B4GALNT4: variants seen among roughly 807,000 people sequenced by gnomAD.
B4GALNT4 encodes beta-1,4-N-acetyl-galactosaminyltransferase 4.
B4GALNT4 carries 77 observed loss-of-function variants against 110.0 expected under a neutral mutation model. The ratio of observed to expected loss-of-function variants is 0.70; its 90% CI spans 0.58 to 0.85. B4GALNT4 has a LOEUF of 0.85. Among genes scored for constraint, B4GALNT4 ranks in the 40% least tolerant of loss-of-function variants. The pLI, the probability that B4GALNT4 is intolerant of heterozygous loss-of-function variation, is 0.00. For missense variants in B4GALNT4, 1,575 were observed against 1,506.0 expected (o/e 1.05, Z -0.76); for synonymous variants, 785 against 655.5 (o/e 1.20, Z -3.02).
intron 14 of B4GALNT4, among the ~76,000 whole-genome samples, chr11:378,083 C>G (rs1440763150): frequency 3.3e-5 from 5 of 152,060 alleles, no homozygotes; most frequent in Non-Finnish European, 7.4e-5. Context: ...GCGAGCAGAG[C>G]AAAGCCAGGG....
intron 8 of B4GALNT4, 146 bp downstream of exon 8, chr11:373,974 C>A: frequency 1.3e-6 from 1 of 754,974 alleles, no homozygotes; most frequent in Non-Finnish European, 2.1e-6. Context: ...CTGCTCTGCC[C>A]TCCTGGGGGG....
At chr11:370,003 G>T (rs555594574) in intron 1 of B4GALNT4, 49 bp downstream of exon 1, 1 of 140,764 alleles carries the variant, frequency 7.1e-6, no homozygotes, top group Non-Finnish European at 1.2e-5. Context: ...GCGGCGCGGG[G>T]GGCGCGGGGG....
At chr11:373,358 C>G in intron 6 of B4GALNT4, 67 bp downstream of exon 6, 2 of 1,576,334 alleles carry the variant, frequency 1.3e-6, no homozygotes, top group Non-Finnish European at 1.7e-6. Context: ...GCCCACCAGC[C>G]TCTTGGGAAT....
intron 3 of B4GALNT4, 30 bp downstream of exon 3, chr11:372,784 G>A (rs55794317): frequency 0.044 from 68,965 of 1,556,256 alleles, 1,802 homozygotes; most frequent in Middle Eastern, 0.05. Context: ...AATGGGCTGG[G>A]AGGCAGGGCG....
Position 379,706 on chromosome 11 carries a change from G to T in B4GALNT4, c.2488+5G>T, listed in dbSNP as rs780193099. 2.7e-5 allele frequency: 41 copies of T among 1,500,510 alleles called. No individual in the cohort carries two copies. Among genetic ancestry groups the T allele is most frequent in the African/African-American group, 4.2e-5 (3 of 70,806 alleles). 92.9% of individuals were successfully genotyped at this position (1,500,510 alleles called of 1,614,324 possible). Reference sequence around the variant, plus strand: ...TGGTTCACTTCATCGTGCCAGGTTCGCAGGGCGGGCTCGGGGTGTCCGGGA... The same window carrying T: ...TGGTTCACTTCATCGTGCCAGGTTCTCAGGGCGGGCTCGGGGTGTCCGGGA... On this transcript the variant is annotated splice_donor_5th_base_variant and intron_variant, in intron 15 of 19. Transcript: ENST00000329962.
At chr11:370,664 A>G (rs567358861) in intron 1 of B4GALNT4, among the ~76,000 whole-genome samples, 115 of 152,226 alleles carry the variant, frequency 7.6e-4, no homozygotes, top group African/African-American at 2.6e-3. Flanking sequence ...GGCGCAGATG[A>G]AAGCCTGGCG....
chr11:369,979 CGCG>C (rs1473022512), intron 1 of B4GALNT4, 25 bp downstream of exon 1: 43 of 198,270 alleles, frequency 2.2e-4, no homozygotes, highest in East Asian at 1.7e-3. Context: ...GCGCGGGGGG[CGCG>C]GGGGGCGGGG....
At position 381,940 on chromosome 11, in the gene B4GALNT4, C is replaced by A; in HGVS notation, c.*148C>A. ...TGCCCCTCTCTGGCCCACTGGGCGT[C>A]GTGCCCCTCCCCGGAGAGGCAGCCT... On this transcript the variant is annotated 3_prime_UTR_variant, in exon 20 of 20. Coordinates refer to ENST00000329962, the MANE Select transcript of B4GALNT4 (RefSeq NM_178537.5). 1.0e-6 allele frequency: 1 copy of A among 975,828 alleles called. No homozygotes were observed. The highest frequency in any genetic ancestry group is 1.4e-6 in the Non-Finnish European group (1 of 719,892). 60.4% of individuals were successfully genotyped at this position (975,828 alleles called of 1,614,324 possible).
intron 18 of B4GALNT4, 68 bp from the exon 19 acceptor site, chr11:380,757 G>A (rs1170342704): frequency 2.0e-5 from 32 of 1,592,392 alleles, no homozygotes; most frequent in Middle Eastern, 1.7e-4. Flanking sequence ...GTCTCCTAGC[G>A]GCGCTTTGCC....
chr11:372,246 G>A (rs374249435), intron 2 of B4GALNT4, 34 bp downstream of exon 2: 68 of 1,536,764 alleles, frequency 4.4e-5, no homozygotes, highest in African/African-American at 6.9e-5. Context: ...ACGTGTGCAC[G>A]GAGACGAGAC....
At chr11:372,017 A>G (rs1009436507) in intron 1 of B4GALNT4, 92 bp from the exon 2 acceptor site, 1 of 1,018,766 alleles carries the variant, frequency 9.8e-7, no homozygotes, top group Non-Finnish European at 1.5e-6. Flanking sequence ...TGCTCTGGCC[A>G]TGTGGGTCCC....
chr11:379,764 T>C (rs895613140), intron 15 of B4GALNT4, 63 bp downstream of exon 15: 8 of 1,503,856 alleles, frequency 5.3e-6, no homozygotes, highest in South Asian at 5.3e-5. Flanking sequence ...CCCTAATGAC[T>C]AGGAAAGGGT....
chr11:376,099 A>G lies in B4GALNT4; in HGVS notation c.1121A>G (p.Asn374Ser). The G allele has an allele frequency of 2.5e-6, 4 of 1,607,354 alleles. No homozygotes were observed. The highest frequency in any genetic ancestry group is 1.1e-5 in the South Asian group (1 of 90,930). ...GTGTACCTGTCCTTCGTTTATCCCA[A>G]CGACTACACTCGCCTCACCCACATG... ...QFVYLSFVYP[N>S]DYTRLTHMET... is the part of the protein sequence containing the mutation. The change falls in exon 12 of 20, where the codon AAC becomes AGC. Residue 374 changes from asparagine (N) to serine (S), a missense_variant. Asn to Ser is a conservative substitution (Grantham distance 46, BLOSUM62 1). Transcript: ENST00000329962.
Position 381,915 on chromosome 11 carries a change from T to C in B4GALNT4, c.*123T>C. 8.4e-7 allele frequency: 1 copy of C among 1,189,798 alleles called. No homozygotes were observed. The highest frequency in any genetic ancestry group is 1.1e-6 in the Non-Finnish European group (1 of 905,856). 73.7% of individuals were successfully genotyped at this position (1,189,798 alleles called of 1,614,324 possible). On this transcript the variant is annotated 3_prime_UTR_variant, in exon 20 of 20. Coordinates refer to ENST00000329962, the MANE Select transcript of B4GALNT4 (RefSeq NM_178537.5). ...GAGGGGCACAGCCACCGCCTGTGCC[T>C]GCCCCTCTCTGGCCCACTGGGCGTC...
In B4GALNT4 at chr11:369,646, G is replaced by A. The variant is rs1382559526; in HGVS notation, c.-158G>A. On this transcript the variant is annotated 5_prime_UTR_variant, in exon 1 of 20. Coordinates refer to ENST00000329962, the MANE Select transcript of B4GALNT4 (RefSeq NM_178537.5). ...GCCGAGGGCGGCCTGGGGGGGTCGC[G>A]GCCGCACCCGGTGGCCGCGCACGGC... 3 of 256,522 alleles carry A rather than the reference G, an allele frequency of 1.2e-5. No individual in the cohort carries two copies. Among genetic ancestry groups the A allele is most frequent in the Non-Finnish European group, 1.8e-5 (3 of 168,044 alleles). The allele number at this position is 256,522 out of a possible 1,614,324, so 15.9% of individuals were successfully genotyped here.
At position 381,696 on chromosome 11, in the gene B4GALNT4, G is replaced by A. The variant is rs1455140586; in HGVS notation, c.3024G>A (p.Glu1008=). ...DRVLQAGLEV[E]RLRLRNFYHH... Reference sequence around the variant, plus strand: ...TCCTGCAGGCAGGGCTGGAGGTGGAGCGGCTCCGACTGCGGAATTTCTATC... The same window carrying A: ...TCCTGCAGGCAGGGCTGGAGGTGGAACGGCTCCGACTGCGGAATTTCTATC... The change falls in exon 20 of 20, where the codon GAG becomes GAA. Residue 1008 remains glutamate (E), a synonymous_variant. Coordinates refer to ENST00000329962, the MANE Select transcript of B4GALNT4 (RefSeq NM_178537.5). 6.3e-7 allele frequency: 1 copy of A among 1,593,824 alleles called. No individual in the cohort carries two copies. The highest frequency in any genetic ancestry group is 1.1e-5 in the South Asian group (1 of 89,648).
chr11:376,303 G>A lies in B4GALNT4; in HGVS notation c.1249G>A (p.Glu417Lys). 6.2e-7 allele frequency: 1 copy of A among 1,610,410 alleles called. No homozygotes were observed. The highest frequency in any genetic ancestry group is 2.2e-5 in the East Asian group (1 of 44,818). ...GGACAAGGAGGAGGGGGATGAGGAT[G>A]AAGAAGACGAGGTGCAGCGCCGAGC... ...KMDKEEGDED[E>K]EDEVQRRAFL... The change falls in exon 13 of 20, where the codon GAA becomes AAA. Residue 417 changes from glutamate to lysine, a missense_variant. Glu to Lys is a moderately conservative substitution (Grantham distance 56). Coordinates refer to ENST00000329962, the MANE Select transcript of B4GALNT4 (RefSeq NM_178537.5).
At chr11:371,913 A>C (rs1327928697) in intron 1 of B4GALNT4, among the ~76,000 whole-genome samples, 196 bp from the exon 2 acceptor site, 1 of 152,154 alleles carries the variant, frequency 6.6e-6, no homozygotes, top group African/African-American at 2.4e-5. Flanking sequence ...GGGGTGTAGA[A>C]GAAGTTGCCT....
At position 376,913 on chromosome 11, in the gene B4GALNT4, A is replaced by G; in HGVS notation, c.1790A>G (p.Gln597Arg). 1 of 1,379,902 alleles carries G rather than the reference A, an allele frequency of 7.2e-7. No homozygotes were observed. Among genetic ancestry groups the G allele is most frequent in the Non-Finnish European group, 9.4e-7 (1 of 1,069,132 alleles). The allele number at this position is 1,379,902 out of a possible 1,614,324, so 85.5% of individuals were successfully genotyped here. The change falls in exon 14 of 20, where the codon CAA (glutamine) becomes CGA (arginine). Residue 597 changes from glutamine (Q) to arginine (R), a missense_variant. Physicochemically the swap from Gln to Arg is conservative, Grantham distance 43. Coordinates refer to ENST00000329962, the MANE Select transcript of B4GALNT4 (RefSeq NM_178537.5). ...CCCCCAGCCCGGGCGCAGGCCACCC[A>G]AGGGGGCCGGGAGGGCCAGGCGCGC... ...PRPPARAQAT[Q>R]GGREGQARTL... is the part of the protein sequence containing the mutation.
Sources: gnomAD v4.1 joint callset for allele counts (sites outside exome capture counted in the v4.1 genomes callset) on GRCh38, gnomAD v4.1.1 for gene constraint, MANE v1.5 for transcripts, NCBI Gene and HGNC (gene_info 2026-07-23, HGNC 2026-07-21) for gene names.